Variants in PPIP5K2 observed in about 807,000 individuals in gnomAD.
The protein encoded by PPIP5K2 is inositol hexakisphosphate and diphosphoinositol-pentakisphosphate kinase 2.
A neutral mutation model predicts 154.6 loss-of-function variants in PPIP5K2; 105 were observed. The observed-to-expected ratio is 0.68, with a 90% CI of 0.58 to 0.80. The LOEUF (loss-of-function observed/expected upper bound fraction) is 0.80. Ranked by LOEUF, PPIP5K2 falls within the 30% of genes least tolerant of loss-of-function variation. PPIP5K2 has a pLI of 0.00. For synonymous variants in PPIP5K2, 480 were observed against 490.3 expected, an observed-to-expected ratio of 0.98 and a Z score of 0.28; for missense variants, 992 against 1,504.6, an observed-to-expected ratio of 0.66 and a Z score of 5.64.
rs565061329 is a variant in PPIP5K2 at position 103,195,174 on chromosome 5, G to A, written c.3619+149G>A. 51 of 982,348 alleles carry A rather than the reference G, an allele frequency of 5.2e-5. 1 individual carries two copies. Among genetic ancestry groups the A allele is most frequent in the Non-Finnish European group, 6.7e-5 (47 of 698,454 alleles). The allele number at this position is 982,348 out of a possible 1,614,324, so 60.9% of individuals were successfully genotyped here. On this transcript the variant is annotated intron_variant, in intron 30 of 30. Transcript: ENST00000358359. Reference sequence around the variant, plus strand: ...TAAGGGTTAAAAATCGATTATTGTAGTCAATTGATATATATTTGTTTTTTG... The same window carrying A: ...TAAGGGTTAAAAATCGATTATTGTAATCAATTGATATATATTTGTTTTTTG...
chr5:103,177,688 A>C lies in PPIP5K2; in HGVS notation c.2551A>C (p.Lys851Gln). The C allele has an allele frequency of 6.2e-7, 1 of 1,609,618 alleles. No individual in the cohort carries two copies. Among genetic ancestry groups the C allele is most frequent in the South Asian group, 1.1e-5 (1 of 90,270 alleles). Residue 851 changes from lysine (K) to glutamine (Q), a missense_variant, in exon 22 of 31, where the codon AAA becomes CAA. Lys to Gln is a moderately conservative substitution (Grantham distance 53). Around this residue, in one of 9 missense-constraint regions of PPIP5K2, gnomAD observed 157 missense variants for 281.2 expected, o/e 0.56. Transcript: ENST00000358359. ...TCAGGAATCAAAGGATGAACAGTGGAAACGAGCTATGGATTATTTAAACGT... is the reference window on the plus strand; with the variant it reads ...TCAGGAATCAAAGGATGAACAGTGGCAACGAGCTATGGATTATTTAAACGT... The part of the protein sequence containing the change: ...LCNESKDEQW[K>Q]RAMDYLNVVN...
chr5:103,130,880 T>C (rs1466255575), intron 2 of PPIP5K2, among the ~76,000 whole-genome samples: 1 of 152,200 alleles, frequency 6.6e-6, no homozygotes. Flanking sequence ...GTAAAGGCTT[T>C]TATGTCTCAT....
At chr5:103,161,650 T>C (rs1283533474) in intron 17 of PPIP5K2, among the ~76,000 whole-genome samples, 3 of 152,210 alleles carry the variant, frequency 2.0e-5, no homozygotes, top group Non-Finnish European at 4.4e-5. Flanking sequence ...ATGATTGCCA[T>C]TCTAACTGGT....
intron 3 of PPIP5K2, among the ~76,000 whole-genome samples, chr5:103,135,826 T>C (rs1791390116): frequency 6.6e-6 from 1 of 152,202 alleles, no homozygotes; most frequent in Non-Finnish European, 1.5e-5. Context: ...TGATTTGTTT[T>C]CATTGTAATT....
rs782000037 is a variant in PPIP5K2, at chr5:103,129,653, C to T, written c.64C>T (p.Arg22Ter). Reference sequence around the variant, plus strand: ...TACAGAAATAAATCCTGGAAATTATCGACATTTCTTCCACCATGCAGATGA... The same window carrying T: ...TACAGAAATAAATCCTGGAAATTATTGACATTTCTTCCACCATGCAGATGA... Reference protein sequence around the residue: ...EDTEINPGNYRHFFHHADEDD... With the variant: ...EDTEINPGNY The change falls in exon 2 of 31, where the codon CGA becomes TGA. Residue 22 changes from arginine (R) to a stop codon, truncating the protein, a stop_gained. Coordinates refer to ENST00000358359, the MANE Select transcript of PPIP5K2 (RefSeq NM_001276277.3). LOFTEE classifies it high-confidence loss of function. 4.3e-6 allele frequency: 7 copies of T among 1,609,260 alleles called. No homozygotes were observed. The East Asian group carries it at 8.9e-5, about 21-fold the overall frequency.
At chr5:103,191,408 T>C (rs1801215949) in intron 29 of PPIP5K2, among the ~76,000 whole-genome samples, 1 of 152,082 alleles carries the variant, frequency 6.6e-6, no homozygotes, top group African/African-American at 2.4e-5. Context: ...AAAGAGCTTT[T>C]AACTAAAGAC....
At chr5:103,173,106 G>A (rs1232542658) in intron 19 of PPIP5K2, 49 bp from the exon 20 acceptor site, 1 of 1,457,574 alleles carries the variant, frequency 6.9e-7, no homozygotes, top group Non-Finnish European at 9.3e-7. Context: ...TTTTTTTAGA[G>A]TACTTTGTCA....
At chr5:103,197,726 C>A (rs1416759800) in intron 30 of PPIP5K2, among the ~76,000 whole-genome samples, 1 of 151,288 alleles carries the variant, frequency 6.6e-6, no homozygotes, top group African/African-American at 2.4e-5. Flanking sequence ...CAGGTGACTG[C>A]CACCACGCCT....
At chr5:103,177,191 C>T (rs1009976939) in intron 21 of PPIP5K2, among the ~76,000 whole-genome samples, 1 of 151,932 alleles carries the variant, frequency 6.6e-6, no homozygotes, top group South Asian at 2.1e-4. Context: ...TTTGTATAAG[C>T]AGTTAAAAAA....
At position 103,147,927 on chromosome 5, in the gene PPIP5K2, T is replaced by C. The variant is rs781929573; in HGVS notation, c.643-4T>C. 2 of 1,551,898 alleles carry C rather than the reference T, an allele frequency of 1.3e-6. No homozygotes were observed. The highest frequency in any genetic ancestry group is 2.3e-5 in the East Asian group (1 of 43,900). ...TTATATCGATGGACATCTTTTGTTT[T>C]CAGATTGGCAGTAGAAGTAGTGTTT... On this transcript the variant is annotated splice_polypyrimidine_tract_variant and splice_region_variant and intron_variant, in intron 6 of 30. Coordinates refer to ENST00000358359, the MANE Select transcript of PPIP5K2 (RefSeq NM_001276277.3).
At position 103,139,892 on chromosome 5, in the gene PPIP5K2, A is replaced by T. The variant is rs113398874; in HGVS notation, c.487+1423A>T. ...AAAAATTCAGTTGACAAACTGAAAT[A>T]TATATCAAAGCCTCTCAACAGCAAA... is the stretch of plus-strand genomic sequence containing the variant. On this transcript the variant is annotated intron_variant, in intron 5 of 30. Coordinates refer to ENST00000358359, the MANE Select transcript of PPIP5K2 (RefSeq NM_001276277.3). 5.8e-3 allele frequency among the ~76,000 whole-genome samples: 877 copies of T among 152,330 alleles called. 6 individuals are homozygous for T. Among genetic ancestry groups the T allele is most frequent in the African/African-American group, 0.02 (840 of 41,578 alleles).
chr5:103,149,032 A>G (rs1794180129), intron 7 of PPIP5K2, 120 bp from the exon 8 acceptor site: 1 of 791,714 alleles, frequency 1.3e-6, no homozygotes. Context: ...AGATGTGTCT[A>G]CTAGCCTGGA....
At chr5:103,145,162 C>A (rs1379918289) in intron 5 of PPIP5K2, among the ~76,000 whole-genome samples, 1 of 151,992 alleles carries the variant, frequency 6.6e-6, no homozygotes, top group African/African-American at 2.4e-5. Context: ...ATATGCTCAA[C>A]GTCACCAATC....
chr5:103,126,397 A>C (rs377103033), intron 1 of PPIP5K2, among the ~76,000 whole-genome samples: 1 of 152,346 alleles, frequency 6.6e-6, no homozygotes, highest in Non-Finnish European at 1.5e-5. Context: ...TATTGGATAC[A>C]TACTTTTTTT....
intron 29 of PPIP5K2, among the ~76,000 whole-genome samples, chr5:103,194,186 G>A (rs1337215240): frequency 2.0e-5 from 3 of 150,016 alleles, no homozygotes; most frequent in South Asian, 2.1e-4. Context: ...TTTTCCCCCC[G>A]AGACAGAGTC....
At chr5:103,128,718 TAA>T in intron 1 of PPIP5K2, among the ~76,000 whole-genome samples, 1 of 152,298 alleles carries the variant, frequency 6.6e-6, no homozygotes, top group Non-Finnish European at 1.5e-5. Flanking sequence ...TTAGATTTGT[TAA>T]AGAGTTTTTG....
In PPIP5K2 at chr5:103,120,412, G is replaced by A. The variant is rs1296679711; in HGVS notation, c.-361G>A. ...ACAAACACCTCACCCCTGCCTCCGG[G>A]ATGAAAGGGGGTAACCTAGACCTGA... On this transcript the variant is annotated 5_prime_UTR_variant, in exon 1 of 31. Coordinates refer to ENST00000358359, the MANE Select transcript of PPIP5K2 (RefSeq NM_001276277.3). The A allele has an allele frequency of 2.2e-6, 1 of 456,562 alleles. No individual in the cohort carries two copies. Among genetic ancestry groups the A allele is most frequent in the African/African-American group, 2.0e-5 (1 of 50,054 alleles). The allele number at this position is 456,562 out of a possible 1,614,324, so 28.3% of individuals were successfully genotyped here.
chr5:103,151,387 A>G lies in PPIP5K2; in HGVS notation c.1028+13A>G, dbSNP rs201109514. On this transcript the variant is annotated intron_variant, in intron 9 of 30. Transcript: ENST00000358359. ...CAAAAATACTTGGGTAAGAATTTTT[A>G]AATTTTTCTTTTTACCTTCATATAC... is the stretch of plus-strand genomic sequence containing the variant. 35 of 1,579,652 alleles carry G rather than the reference A, an allele frequency of 2.2e-5. No homozygotes were observed. The highest frequency in any genetic ancestry group is 2.3e-5 in the Non-Finnish European group (27 of 1,159,624).
intron 29 of PPIP5K2, among the ~76,000 whole-genome samples, chr5:103,192,391 T>C (rs26820): frequency 0.24 from 36,652 of 152,002 alleles, 5,131 homozygotes; most frequent in East Asian, 0.45. Flanking sequence ...TACCTCAGAA[T>C]GCAGTAGAGA....
Sources: allele counts gnomAD v4.1 joint callset (sites outside exome capture counted in the v4.1 genomes callset), GRCh38; gene constraint gnomAD v4.1.1; regional missense constraint gnomAD v4.1.1; transcripts MANE v1.5; gene names NCBI Gene and HGNC (gene_info 2026-07-23, HGNC 2026-07-21).